Variants in SNX25 observed in about 807,000 individuals in gnomAD.
The protein encoded by SNX25 is sorting nexin 25, also known as sorting nexin-25.
A neutral mutation model predicts 113.7 loss-of-function variants in SNX25; 62 were observed. That is an observed-to-expected ratio of 0.55 (90% CI 0.44 to 0.67). The LOEUF is 0.67. Ranked by LOEUF, SNX25 falls within the 30% of genes least tolerant of loss-of-function variation. The pLI, the probability that SNX25 is intolerant of heterozygous loss-of-function variation, is 0.00. For synonymous variants in SNX25, 421 were observed against 436.2 expected, an observed-to-expected ratio of 0.97 and a Z score of 0.43; for missense variants, 1,014 against 1,161.0, an observed-to-expected ratio of 0.87 and a Z score of 1.84.
chr4:185,211,265 A>G (rs1737742419), intron 1 of SNX25, among the ~76,000 whole-genome samples: 1 of 152,322 alleles, frequency 6.6e-6, no homozygotes, highest in Admixed American at 6.5e-5. Flanking sequence ...CAGCGCTGAG[A>G]TAATGGCGGA....
At chr4:185,242,587 A>AGGGGTGC (rs921524820) in intron 1 of SNX25, among the ~76,000 whole-genome samples, 12 of 152,166 alleles carry the variant, frequency 7.9e-5, no homozygotes, top group African/African-American at 2.7e-4. Context: ...GGTATGGGGG[A>AGGGGTGC]GGGGTGCGGA....
downstream of SNX25, among the ~76,000 whole-genome samples, chr4:185,368,725 C>G (rs991575371): frequency 6.6e-5 from 10 of 151,884 alleles, no homozygotes; most frequent in East Asian, 1.9e-3. Context: ...GTACAGTATC[C>G]TAGTTGCAGA....
At chr4:185,282,324 G>C (rs1750722131) in intron 5 of SNX25, among the ~76,000 whole-genome samples, 2 of 152,172 alleles carry the variant, frequency 1.3e-5, no homozygotes, top group South Asian at 4.1e-4. Flanking sequence ...ACCATGTCCA[G>C]CTTATTTATT....
At chr4:185,230,140 A>G (rs542644521) in intron 1 of SNX25, among the ~76,000 whole-genome samples, 3 of 152,254 alleles carry the variant, frequency 2.0e-5, no homozygotes, top group African/African-American at 7.2e-5. Context: ...TAAGCACTGT[A>G]TTTAAAACTA....
At chr4:185,360,926 A>T (rs1048509585) in intron 16 of SNX25, among the ~76,000 whole-genome samples, 1 of 112,880 alleles carries the variant, frequency 8.9e-6, no homozygotes, top group African/African-American at 5.2e-5. Context: ...CTCAAAAAAA[A>T]AATAATATAT....
intron 1 of SNX25, among the ~76,000 whole-genome samples, chr4:185,224,197 A>G (rs1041884090): frequency 2.0e-5 from 3 of 151,920 alleles, no homozygotes; most frequent in African/African-American, 7.2e-5. Flanking sequence ...CTAGAAATAC[A>G]AAAAATTAGC....
At position 185,353,534 on chromosome 4, in the gene SNX25, A is replaced by T. The variant is rs1361940563; in HGVS notation, c.2516A>T (p.Asp839Val). Reference protein sequence around the residue: ...SDLSDYGDDVDGRKDALAEPC... With the variant: ...SDLSDYGDDVVGRKDALAEPC... ...CTGTCAGATTATGGTGATGATGTGG[A>T]TGGGAGGAAAGACGCCTTGGCTGAA... Residue 839 changes from aspartate to valine, a missense_variant, in exon 15 of 19, where the codon GAT becomes GTT. By Grantham distance (152) the Asp-to-Val change is radical. Transcript: ENST00000652585. 6.2e-7 allele frequency: 1 copy of T among 1,614,176 alleles called. No homozygotes were observed. Among genetic ancestry groups the T allele is most frequent in the East Asian group, 2.2e-5 (1 of 44,888 alleles).
intron 6 of SNX25, among the ~76,000 whole-genome samples, chr4:185,303,898 A>G (rs1355152303): frequency 6.6e-6 from 1 of 152,170 alleles, no homozygotes; most frequent in Non-Finnish European, 1.5e-5. Flanking sequence ...GTTCTTTTCA[A>G]AAAAGGACAT....
Position 185,363,318 on chromosome 4 carries a change from A to T in SNX25, c.2935-67A>T. 6.8e-7 allele frequency: 1 copy of T among 1,465,650 alleles called. No homozygotes were observed. The highest frequency in any genetic ancestry group is 1.4e-5 in the African/African-American group (1 of 71,142). 90.8% of individuals were successfully genotyped at this position (1,465,650 alleles called of 1,614,324 possible). Reference sequence around the variant, plus strand: ...AATTAGACTTTTCTCTTAGATGCAGATATTTATTTTGAATAAACCCTTGGA... The same window carrying T: ...AATTAGACTTTTCTCTTAGATGCAGTTATTTATTTTGAATAAACCCTTGGA... On this transcript the variant is annotated intron_variant, in intron 18 of 18. Transcript: ENST00000652585. This position sits in a 1 kb window ranked among gnomAD's most constrained non-coding sequence, Gnocchi z 4.2.
chr4:185,323,501 CTTTTCCT>C lies in SNX25; in HGVS notation c.1477-25_1477-19del. On this transcript the variant is annotated intron_variant, in intron 8 of 18. Transcript: ENST00000652585. ...TTTCTCTCAGAGATGATATGTCTTA[CTTTTCCT>C]TATCTTCCTGTCTTTTCAGAATGAA... 1 of 1,587,096 alleles carries C rather than the reference CTTTTCCT, an allele frequency of 6.3e-7. No individual in the cohort carries two copies. Among genetic ancestry groups the C allele is most frequent in the Non-Finnish European group, 8.6e-7 (1 of 1,168,540 alleles).
At position 185,353,575 on chromosome 4, in the gene SNX25, A is replaced by T. The variant is rs543716636; in HGVS notation, c.2557A>T (p.Ile853Phe). 1.4e-5 allele frequency: 23 copies of T among 1,614,080 alleles called. No individual in the cohort carries two copies. In the South Asian group the frequency reaches 1.9e-4, roughly 13 times the overall value. Residue 853 changes from isoleucine (I) to phenylalanine (F), a missense_variant, in exon 15 of 19, where the codon ATT becomes TTT. Transcript: ENST00000652585. ...DALAEPCFML[I>F]GEIFELRGMF... ...CTTGGCTGAACCATGTTTCATGTTG[A>T]TTGGGGAGATTTTTGAACTTCGAGG... is the stretch of plus-strand genomic sequence containing the variant.
intron 5 of SNX25, among the ~76,000 whole-genome samples, chr4:185,276,841 T>G (rs1037208808): frequency 1.3e-5 from 2 of 152,046 alleles, no homozygotes; most frequent in Non-Finnish European, 2.9e-5. Flanking sequence ...ACACACACCC[T>G]TAAGAGGAAG....
chr4:185,342,373 A>G (rs1420244299), intron 12 of SNX25, among the ~76,000 whole-genome samples: 1 of 152,220 alleles, frequency 6.6e-6, no homozygotes, highest in African/African-American at 2.4e-5. Flanking sequence ...AGGATCACCT[A>G]GGTATCTCAC....
chr4:185,311,740 C>A (rs1034467581), intron 7 of SNX25, among the ~76,000 whole-genome samples: 1 of 152,208 alleles, frequency 6.6e-6, no homozygotes. Flanking sequence ...AGCTACTCAT[C>A]TGTGATGTTC....
At chr4:185,283,066 A>G (rs1750867908) in intron 5 of SNX25, among the ~76,000 whole-genome samples, 1 of 152,226 alleles carries the variant, frequency 6.6e-6, no homozygotes, top group Non-Finnish European at 1.5e-5. Flanking sequence ...TTCAGTAATC[A>G]TCTTCAGATG....
chr4:185,372,939 G>A (rs776846609), downstream of SNX25: 37 of 1,613,824 alleles, frequency 2.3e-5, no homozygotes, highest in Non-Finnish European at 2.9e-5. Context: ...AGACGTTTCC[G>A]CGTTCTGCTG....
At chr4:185,370,820 A>T, downstream of SNX25, 1 of 1,614,004 alleles carries the variant, frequency 6.2e-7, no homozygotes, top group South Asian at 1.1e-5. Context: ...CGATCCTGAG[A>T]GGATGTAGAG....
chr4:185,303,590 C>T (rs1226029048), intron 6 of SNX25, among the ~76,000 whole-genome samples: 9 of 141,466 alleles, frequency 6.4e-5, no homozygotes, highest in East Asian at 2.2e-4. Flanking sequence ...ACCTGGGAGG[C>T]GGAGCTTGCA....
chr4:185,371,405 G>A (rs1015134839), downstream of SNX25, among the ~76,000 whole-genome samples: 2 of 152,052 alleles, frequency 1.3e-5, no homozygotes, highest in African/African-American at 4.8e-5. Flanking sequence ...AGCTGGGCAT[G>A]GTAGCGGGTG....
Sources: gnomAD v4.1 joint callset for allele counts (sites outside exome capture counted in the v4.1 genomes callset) on GRCh38, gnomAD v4.1.1 for gene constraint, Gnocchi (gnomAD v3.1) non-coding constraint, MANE v1.5 for transcripts, NCBI Gene and HGNC (gene_info 2026-07-23, HGNC 2026-07-21) for gene names.